Variants in MINDY4B observed in about 807,000 individuals in gnomAD.
MINDY4B encodes the protein MINDY family member 4B.
A neutral mutation model predicts 16.7 loss-of-function variants in MINDY4B; 25 were observed. That is an observed-to-expected ratio of 1.49 (90% CI 1.09 to 2.09). The LOEUF (loss-of-function observed/expected upper bound fraction) is 2.09, where lower values mean the gene tolerates loss of function less well. Among genes scored for constraint, MINDY4B ranks in the 30% most tolerant of loss-of-function variants. The pLI is 0.00. For synonymous variants in MINDY4B, 132 were observed against 61.9 expected, an observed-to-expected ratio of 2.13 and a Z score of -5.32; for missense variants, 327 against 168.4, an observed-to-expected ratio of 1.94 and a Z score of -5.21.
chr3:150,901,936 T>C (rs952684061), intron 3 of MINDY4B, among the ~76,000 whole-genome samples: 2 of 151,876 alleles, frequency 1.3e-5, no homozygotes, highest in African/African-American at 2.4e-5. Context: ...TTTTGTATGA[T>C]AAAAACGAAT....
intron 5 of MINDY4B, among the ~76,000 whole-genome samples, chr3:150,892,292 A>G (rs572990992): frequency 1.3e-5 from 2 of 152,308 alleles, no homozygotes; most frequent in South Asian, 4.1e-4. Context: ...ACATTGCTGG[A>G]AGCCACAGTC....
chr3:150,876,826 A>G (rs1711497474), intron 10 of MINDY4B, among the ~76,000 whole-genome samples: 1 of 152,168 alleles, frequency 6.6e-6, no homozygotes, highest in Non-Finnish European at 1.5e-5. Context: ...TGTGAAGATA[A>G]TGTGAACCTC....
chr3:150,901,657 G>C (rs547542790), intron 3 of MINDY4B, among the ~76,000 whole-genome samples: 1 of 151,994 alleles, frequency 6.6e-6, no homozygotes, highest in South Asian at 2.1e-4. Context: ...GAGTAGCTGG[G>C]ACTACAGGAT....
intron 3 of MINDY4B, among the ~76,000 whole-genome samples, chr3:150,894,713 T>A (rs761335398): frequency 2.0e-5 from 3 of 152,186 alleles, no homozygotes; most frequent in Non-Finnish European, 1.5e-5. Context: ...CCAGGGTCTT[T>A]GAGGTTTTCC....
Position 150,875,375 on chromosome 3 carries a change from T to G in MINDY4B, c.1060-2008A>C, listed in dbSNP as rs1437650941. Among the ~76,000 whole-genome samples the G allele has an allele frequency of 2.0e-5, 3 of 152,180 alleles. No homozygotes were observed. In the East Asian group the frequency reaches 5.8e-4, roughly 29 times the overall value. On this transcript the variant is annotated intron_variant, in intron 10 of 11. Coordinates refer to ENST00000465419, the MANE Select transcript of MINDY4B (RefSeq NM_001351281.2). ...ATAAAACTAGGAGATTGAGAGCTGT[T>G]TGTAGTAAAAGGTAATTCCATTGGA...
At chr3:150,873,490 G>T (rs540615306) in intron 10 of MINDY4B, 123 bp from the exon 11 acceptor site, 2 of 607,044 alleles carry the variant, frequency 3.3e-6, no homozygotes, top group Non-Finnish European at 5.9e-6. Context: ...CGCGTGCAGG[G>T]CACTGTACAT....
intron 10 of MINDY4B, among the ~76,000 whole-genome samples, chr3:150,875,968 A>G (rs1711496525): frequency 6.6e-6 from 1 of 152,180 alleles, no homozygotes. Flanking sequence ...TGTTTTAAGC[A>G]TTTGTATTGC....
At chr3:150,887,026 G>A (rs1466223348) in intron 7 of MINDY4B, among the ~76,000 whole-genome samples, 9 of 152,102 alleles carry the variant, frequency 5.9e-5, no homozygotes, top group African/African-American at 2.2e-4. Flanking sequence ...CTATGAAAAA[G>A]TTTTACATTA....
chr3:150,873,526 C>T (rs1164406753), intron 10 of MINDY4B, among the ~76,000 whole-genome samples, 159 bp from the exon 11 acceptor site: 4 of 152,238 alleles, frequency 2.6e-5, no homozygotes, highest in South Asian at 4.1e-4. Flanking sequence ...ATCAAGGCTT[C>T]GTCATGAATA....
At chr3:150,899,550 C>T (rs1000409647) in intron 3 of MINDY4B, among the ~76,000 whole-genome samples, 1 of 152,118 alleles carries the variant, frequency 6.6e-6, no homozygotes, top group Non-Finnish European at 1.5e-5. Flanking sequence ...CAGCTAGCCA[C>T]GAGCAACCTG....
intron 5 of MINDY4B, among the ~76,000 whole-genome samples, chr3:150,891,375 C>T (rs1711799816): frequency 6.6e-6 from 1 of 152,182 alleles, no homozygotes. Flanking sequence ...ACATTGAGAA[C>T]TATAGTCTTT....
intron 6 of MINDY4B, 45 bp from the exon 7 acceptor site, chr3:150,890,430 G>T: frequency 3.5e-6 from 2 of 573,352 alleles, no homozygotes; most frequent in South Asian, 2.2e-5. Context: ...GAAGATGAAA[G>T]TTACATCTAA....
At chr3:150,888,038 C>T (rs1711672968) in intron 7 of MINDY4B, among the ~76,000 whole-genome samples, 8 of 151,964 alleles carry the variant, frequency 5.3e-5, no homozygotes, top group Admixed American at 5.2e-4. Flanking sequence ...ACCCGGGAGG[C>T]GGAGGTTGCA....
rs776819235 is a variant in MINDY4B at position 150,890,940 on chromosome 3, G to A, written c.685C>T (p.Arg229Ter). The A allele has an allele frequency of 2.6e-5, 18 of 702,376 alleles. No individual in the cohort carries two copies. The highest frequency in any genetic ancestry group is 2.3e-4 in the Middle Eastern group (1 of 4,382). The allele number at this position is 702,376 out of a possible 1,614,324, so 43.5% of individuals were successfully genotyped here. The stretch of plus-strand genomic sequence containing the variant: ...AGGACAGGGAGAACTGCACTTACTC[G>A]CTCAGTGAAATTGTCCACAGAGTAG... ...PDYSVDNFTE[R>*]LQLFEFLEKE... is the part of the protein sequence containing the mutation. Residue 229 changes from arginine (R) to a stop codon, truncating the protein, a stop_gained and splice_region_variant, in exon 6 of 12, where the codon CGA becomes TGA. Transcript: ENST00000465419. LOFTEE classifies it high-confidence loss of function.
intron 10 of MINDY4B, among the ~76,000 whole-genome samples, chr3:150,876,197 G>A (rs1711496866): frequency 6.6e-6 from 1 of 152,192 alleles, no homozygotes; most frequent in African/African-American, 2.4e-5. Context: ...ATCACATGCA[G>A]CAATCAGGCT....
chr3:150,872,793 G>A (rs1428442606), intron 11 of MINDY4B, among the ~76,000 whole-genome samples: 2 of 152,196 alleles, frequency 1.3e-5, no homozygotes, highest in African/African-American at 4.8e-5. Context: ...ATCATCTGAT[G>A]TTTGGTTGTG....
At chr3:150,896,764 C>A (rs1005045237) in intron 3 of MINDY4B, among the ~76,000 whole-genome samples, 1 of 152,116 alleles carries the variant, frequency 6.6e-6, no homozygotes, top group Non-Finnish European at 1.5e-5. Flanking sequence ...GATACCAGCA[C>A]CTGTTCTGGT....
In MINDY4B at chr3:150,885,445, G is replaced by A. The variant is rs552914273; in HGVS notation, c.754-7C>T. On this transcript the variant is annotated splice_region_variant and splice_polypyrimidine_tract_variant and intron_variant, in intron 7 of 11. Coordinates refer to ENST00000465419, the MANE Select transcript of MINDY4B (RefSeq NM_001351281.2). Reference sequence around the variant, plus strand: ...GGCTTCCTTCCCCTCTGAACTGTTCGGAAAAGAAAAGAAAAGCATGTTGGT... The same window carrying A: ...GGCTTCCTTCCCCTCTGAACTGTTCAGAAAAGAAAAGAAAAGCATGTTGGT... 70 of 640,554 alleles carry A rather than the reference G, an allele frequency of 1.1e-4. 1 individual carries two copies. The highest frequency in any genetic ancestry group is 7.0e-4 in the South Asian group (45 of 64,608). The allele number at this position is 640,554 out of a possible 1,614,324, so 39.7% of individuals were successfully genotyped here.
intron 10 of MINDY4B, among the ~76,000 whole-genome samples, chr3:150,882,564 G>GTATATATATATATATATATA (rs59302082): frequency 3.0e-4 from 44 of 148,072 alleles, no homozygotes; most frequent in African/African-American, 1.0e-3. Flanking sequence ...GTGTATGTGT[G>GTATATATATATATATATATA]TATATATATA....
Sources: allele counts gnomAD v4.1 joint callset (sites outside exome capture counted in the v4.1 genomes callset), GRCh38; gene constraint gnomAD v4.1.1; transcripts MANE v1.5; gene names NCBI Gene and HGNC (gene_info 2026-07-23, HGNC 2026-07-21).